AUTS2: variants seen among roughly 807,000 people sequenced by gnomAD.
The protein encoded by AUTS2 is autism susceptibility gene 2 protein.
AUTS2 carries 17 observed loss-of-function variants against 112.4 expected under a neutral mutation model. That is an observed-to-expected ratio of 0.15 (90% CI 0.10 to 0.23). The LOEUF (loss-of-function observed/expected upper bound fraction) is 0.23, where lower values mean the gene tolerates loss of function less well. Ranked by LOEUF, AUTS2 falls within the 10% of genes least tolerant of loss-of-function variation. The probability of loss-of-function intolerance (pLI) is 1.00; values close to 1 mark genes in which losing one functional copy is unlikely to be tolerated. For missense variants in AUTS2, 1,510 were observed against 1,701.6 expected, an observed-to-expected ratio of 0.89 and a Z score of 1.98; for synonymous variants, 751 against 702.7, an observed-to-expected ratio of 1.07 and a Z score of -1.09.
At chr7:69,649,038 G>A (rs923254824) in intron 1 of AUTS2, among the ~76,000 whole-genome samples, 3 of 152,170 alleles carry the variant, frequency 2.0e-5, no homozygotes, top group African/African-American at 7.2e-5. Flanking sequence ...AACCCATGGA[G>A]GAATAAATGA....
At chr7:70,601,013 T>C (rs1003733465) in intron 5 of AUTS2, among the ~76,000 whole-genome samples, 1 of 152,244 alleles carries the variant, frequency 6.6e-6, no homozygotes, top group Non-Finnish European at 1.5e-5. Context: ...TATGGACATA[T>C]TTCTTCAATT....
intron 2 of AUTS2, among the ~76,000 whole-genome samples, chr7:69,962,695 C>T (rs1797478531): frequency 6.6e-6 from 1 of 151,644 alleles, no homozygotes; most frequent in South Asian, 2.1e-4. Flanking sequence ...TGAGTGTGTG[C>T]ATGCATGCAT....
At chr7:70,597,801 A>G (rs1585354033) in intron 5 of AUTS2, among the ~76,000 whole-genome samples, 2 of 152,238 alleles carry the variant, frequency 1.3e-5, no homozygotes, top group African/African-American at 4.8e-5. Flanking sequence ...GGTTTTGAAT[A>G]CACTGGTAGA....
chr7:70,125,246 TGTG>T (rs990005082), intron 3 of AUTS2, among the ~76,000 whole-genome samples: 4 of 27,796 alleles, frequency 1.4e-4, no homozygotes, highest in Non-Finnish European at 2.8e-4. Context: ...TATTTGGAGA[TGTG>T]TGTGTGTGTG....
chr7:69,930,848 A>T (rs745841589), intron 2 of AUTS2, among the ~76,000 whole-genome samples: 1 of 152,184 alleles, frequency 6.6e-6, no homozygotes, highest in Non-Finnish European at 1.5e-5. Context: ...ACACTAAAAA[A>T]TAGTAAAATC....
rs189265834 is a variant in AUTS2 at position 69,750,373 on chromosome 7, A to G, written c.310-148913A>G. Among the ~76,000 whole-genome samples, 7 of 148,594 alleles carry G rather than the reference A, an allele frequency of 4.7e-5. No homozygotes were observed. The South Asian group carries it at 1.5e-3, about 31-fold the overall frequency. ...TTATTAGTATTATTATTATATTAAG[A>G]TATATTAGTATTATACTATTATATT... is the stretch of plus-strand genomic sequence containing the variant. On this transcript the variant is annotated intron_variant, in intron 1 of 18. Transcript: ENST00000342771.
At chr7:70,347,643 G>A (rs1791554479) in intron 4 of AUTS2, among the ~76,000 whole-genome samples, 1 of 152,152 alleles carries the variant, frequency 6.6e-6, no homozygotes, top group Non-Finnish European at 1.5e-5. Flanking sequence ...CTGTCCTGGG[G>A]ACTCCACCTC....
At chr7:69,931,767 G>A (rs1584460340) in intron 2 of AUTS2, among the ~76,000 whole-genome samples, 1 of 152,136 alleles carries the variant, frequency 6.6e-6, no homozygotes, top group South Asian at 2.1e-4. Context: ...AGATAATAAA[G>A]GTCAGATTTT....
At chr7:70,308,270 A>G (rs995523026) in intron 4 of AUTS2, among the ~76,000 whole-genome samples, 4 of 152,182 alleles carry the variant, frequency 2.6e-5, no homozygotes, top group Non-Finnish European at 5.9e-5. Flanking sequence ...AGTTATAACA[A>G]TTGTTTTCTA....
chr7:70,431,088 C>T (rs1157638930), intron 4 of AUTS2, among the ~76,000 whole-genome samples: 3 of 151,962 alleles, frequency 2.0e-5, no homozygotes, highest in South Asian at 2.1e-4. Context: ...CCGCCCGCCT[C>T]GGCCTCCCAA....
At chr7:69,778,514 A>G (rs988876990) in intron 1 of AUTS2, among the ~76,000 whole-genome samples, 5 of 152,070 alleles carry the variant, frequency 3.3e-5, no homozygotes, top group Non-Finnish European at 7.4e-5. Flanking sequence ...AATGTGCAGT[A>G]AGGTTTGGGA....
chr7:69,845,078 G>T (rs893993750), intron 1 of AUTS2, among the ~76,000 whole-genome samples: 5 of 152,094 alleles, frequency 3.3e-5, no homozygotes, highest in African/African-American at 1.2e-4. Flanking sequence ...TTCATCCTTC[G>T]TTTCCCTCTG....
intron 4 of AUTS2, among the ~76,000 whole-genome samples, chr7:70,346,701 CACCT>C (rs1174583031): frequency 6.6e-6 from 1 of 152,160 alleles, no homozygotes; most frequent in Non-Finnish European, 1.5e-5. Flanking sequence ...ACAAACCCTT[CACCT>C]ACCACATCAT....
intron 5 of AUTS2, among the ~76,000 whole-genome samples, chr7:70,584,621 C>T (rs943005365): frequency 1.3e-5 from 2 of 152,252 alleles, no homozygotes; most frequent in Non-Finnish European, 2.9e-5. Flanking sequence ...CAGCTGCCAG[C>T]GAACTTGAGC....
intron 1 of AUTS2, among the ~76,000 whole-genome samples, chr7:69,838,766 C>T (rs1365848534): frequency 6.6e-6 from 1 of 152,142 alleles, no homozygotes; most frequent in Non-Finnish European, 1.5e-5. Context: ...GTGGGATAGG[C>T]CAGGCATTGA....
intron 1 of AUTS2, among the ~76,000 whole-genome samples, chr7:69,849,030 A>C (rs1792339783): frequency 6.6e-6 from 1 of 152,166 alleles, no homozygotes; most frequent in Non-Finnish European, 1.5e-5. Context: ...AAAATAAAAA[A>C]AATTAGCCAG....
intron 5 of AUTS2, among the ~76,000 whole-genome samples, chr7:70,613,320 C>G (rs146170338): frequency 3.8e-3 from 584 of 152,010 alleles, no homozygotes; most frequent in Non-Finnish European, 7.1e-3. Flanking sequence ...CCACTGAAAT[C>G]AAGGCTGTAG....
chr7:70,747,374 A>C (rs1046555087), intron 6 of AUTS2, among the ~76,000 whole-genome samples: 1 of 152,192 alleles, frequency 6.6e-6, no homozygotes, highest in Non-Finnish European at 1.5e-5. Flanking sequence ...GTATCCAAGG[A>C]CAGGTAAAAC....
At chr7:70,497,205 CAT>C (rs1798585777) in intron 5 of AUTS2, among the ~76,000 whole-genome samples, 1 of 147,986 alleles carries the variant, frequency 6.8e-6, no homozygotes, top group Admixed American at 6.8e-5. Context: ...CACACATGCA[CAT>C]GTCACATCAG....
Sources: gnomAD v4.1 joint callset for allele counts (sites outside exome capture counted in the v4.1 genomes callset) on GRCh38, gnomAD v4.1.1 for gene constraint, MANE v1.5 for transcripts, NCBI Gene and HGNC (gene_info 2026-07-23, HGNC 2026-07-21) for gene names.